Variants in SNX5 observed in about 807,000 individuals in gnomAD.
SNX5 encodes the protein sorting nexin 5.
A neutral mutation model predicts 53.9 loss-of-function variants in SNX5; 31 were observed. The observed-to-expected ratio is 0.58, with a 90% CI of 0.43 to 0.78. The LOEUF is 0.78. SNX5 is among the 30% of genes least tolerant of loss of function. SNX5 has a pLI of 0.00. For missense variants in SNX5, 471 were observed against 478.8 expected, an observed-to-expected ratio of 0.98 and a Z score of 0.15; for synonymous variants, 168 against 171.1, an observed-to-expected ratio of 0.98 and a Z score of 0.14.
In SNX5 at chr20:17,962,042, A is replaced by G. The variant is rs1222869158; in HGVS notation, c.52-5005T>C. On this transcript the variant is annotated intron_variant, in intron 1 of 12. Coordinates refer to ENST00000377759, the MANE Select transcript of SNX5 (RefSeq NM_014426.4). ...TTGTTACTGTTTGAACTCTCAGGAA[A>G]CAATGTTCCCATTGGTGCTCCGAAT... 3.2e-6 allele frequency: 3 copies of G among 939,556 alleles called. No individual in the cohort carries two copies. The East Asian group carries it at 3.5e-4, about 110-fold the overall frequency. 58.2% of individuals were successfully genotyped at this position (939,556 alleles called of 1,614,324 possible). A position where few individuals can be genotyped will look rare whatever the true frequency, so the allele number is the denominator to read the frequency against.
chr20:17,944,822 G>A (rs1016873674), intron 11 of SNX5: 1 of 152,264 alleles, frequency 6.6e-6, no homozygotes, highest in African/African-American at 2.4e-5. Context: ...TGGGATTACA[G>A]GCGTGAGCCA....
intron 2 of SNX5, among the ~76,000 whole-genome samples, chr20:17,956,673 CAAAAAAAAAA>C (rs59252584): frequency 8.4e-4 from 71 of 84,874 alleles, no homozygotes; most frequent in African/African-American, 2.7e-3. Context: ...AGACTGTCTC[CAAAAAAAAAA>C]AAAAAAAAAA....
intron 11 of SNX5, among the ~76,000 whole-genome samples, chr20:17,946,315 T>C (rs1192341001): frequency 6.6e-6 from 1 of 152,228 alleles, no homozygotes; most frequent in Non-Finnish European, 1.5e-5. Context: ...CATACTCAGA[T>C]GCTGGTAACT....
At chr20:17,943,428 G>A (rs1009529142) in intron 11 of SNX5, 1 of 481,424 alleles carries the variant, frequency 2.1e-6, no homozygotes, top group Non-Finnish European at 3.8e-6. Context: ...CAAGCATCGT[G>A]AGTGGGAGAG....
chr20:17,947,498 A>G lies in SNX5; in HGVS notation c.1066T>C (p.Ser356Pro). 1 of 1,612,884 alleles carries G rather than the reference A, an allele frequency of 6.2e-7. No homozygotes were observed. The highest frequency in any genetic ancestry group is 8.5e-7 in the Non-Finnish European group (1 of 1,179,522). ...TGTCCTGCTCAACCTTCTTTTGCAGATTCGGAAAGTTGTTCAAATTTCTGG... is the reference window on the plus strand; with the variant it reads ...TGTCCTGCTCAACCTTCTTTTGCAGGTTCGGAAAGTTGTTCAAATTTCTGG... Reference protein sequence around the residue: ...CCQKFEQLSESAKEELINFKR... With the variant: ...CCQKFEQLSEPAKEELINFKR... The change falls in exon 11 of 13, where the codon TCT (serine) becomes CCT (proline). Residue 356 changes from serine to proline, a missense_variant. Ser to Pro is a moderately conservative substitution (Grantham distance 74). Coordinates refer to ENST00000377759, the MANE Select transcript of SNX5 (RefSeq NM_014426.4).
At chr20:17,943,278 C>A in intron 11 of SNX5, 83 bp from the exon 12 acceptor site, 2 of 892,230 alleles carry the variant, frequency 2.2e-6, no homozygotes, top group Non-Finnish European at 3.8e-6. Context: ...GGCATTCTTA[C>A]AAATGGTCTC....
chr20:17,960,209 C>G (rs542784515), intron 1 of SNX5, among the ~76,000 whole-genome samples: 1 of 152,270 alleles, frequency 6.6e-6, no homozygotes, highest in South Asian at 2.1e-4. Context: ...GCCTGCAATC[C>G]CAGCAATTTG....
intron 2 of SNX5, 36 bp downstream of exon 2, chr20:17,956,897 C>G (rs1233711332): frequency 1.9e-6 from 2 of 1,052,874 alleles, no homozygotes; most frequent in African/African-American, 3.1e-5. Context: ...AGGCTGCAAC[C>G]TAGCACTGTA....
intron 1 of SNX5, among the ~76,000 whole-genome samples, chr20:17,965,334 G>T (rs1486341555): frequency 6.6e-6 from 1 of 152,190 alleles, no homozygotes; most frequent in Non-Finnish European, 1.5e-5. Flanking sequence ...TCCCCAGGTT[G>T]AGAAACTGAA....
intron 1 of SNX5, among the ~76,000 whole-genome samples, chr20:17,967,028 G>A (rs2035550766): frequency 6.6e-6 from 1 of 152,138 alleles, no homozygotes; most frequent in African/African-American, 2.4e-5. Context: ...AGTTTCTGTA[G>A]CCTCTAAAAC....
intron 8 of SNX5, among the ~76,000 whole-genome samples, chr20:17,949,845 C>T (rs1190974806): frequency 1.3e-5 from 2 of 152,162 alleles, no homozygotes; most frequent in Admixed American, 1.3e-4. Flanking sequence ...AAGATAAACT[C>T]TTACAAACTC....
At chr20:17,963,933 T>C (rs1284673408) in intron 1 of SNX5, among the ~76,000 whole-genome samples, 1 of 152,094 alleles carries the variant, frequency 6.6e-6, no homozygotes, top group African/African-American at 2.4e-5. Context: ...GTACAGCAAA[T>C]TTCCCAAATC....
intron 1 of SNX5, among the ~76,000 whole-genome samples, chr20:17,958,416 T>C (rs1019041091): frequency 6.6e-6 from 1 of 152,244 alleles, no homozygotes; most frequent in Non-Finnish European, 1.5e-5. Context: ...TAAAAGCACA[T>C]GGATTACTTA....
At chr20:17,962,478 T>C (rs1222850915) in intron 1 of SNX5, among the ~76,000 whole-genome samples, 1 of 152,022 alleles carries the variant, frequency 6.6e-6, no homozygotes, top group Non-Finnish European at 1.5e-5. Flanking sequence ...CCTGGGATTA[T>C]AGGCGTGAGC....
In SNX5 at chr20:17,957,044, T is replaced by C. The variant is rs760062801; in HGVS notation, c.52-7A>G. Reference sequence around the variant, plus strand: ...CCACAGATACAGATCTCAGCTGAAATACATTTTTTGCGTATTAGTTTCAAA... The same window carrying C: ...CCACAGATACAGATCTCAGCTGAAACACATTTTTTGCGTATTAGTTTCAAA... On this transcript the variant is annotated splice_polypyrimidine_tract_variant and splice_region_variant and intron_variant, in intron 1 of 12. Transcript: ENST00000377759. 6.5e-6 allele frequency: 10 copies of C among 1,535,670 alleles called. No individual in the cohort carries two copies.
At position 17,954,033 on chromosome 20, in the gene SNX5, T is replaced by C; in HGVS notation, c.352A>G (p.Lys118Glu). ...KLGEGEGSMT[K>E]EEFAKMKQEL... ...TGTTTCATCTTGGCAAATTCTTCTT[T>C]GGTCATAGACCCTTCACCTTCTCCC... The change falls in exon 4 of 13, where the codon AAA becomes GAA. Residue 118 changes from lysine to glutamate, a missense_variant. Transcript: ENST00000377759. 6.2e-7 allele frequency: 1 copy of C among 1,613,926 alleles called. No individual in the cohort carries two copies. The highest frequency in any genetic ancestry group is 8.5e-7 in the Non-Finnish European group (1 of 1,179,870).
In SNX5 at chr20:17,950,185, G is replaced by A. The variant is rs755407618; in HGVS notation, c.738C>T (p.His246=). The change falls in exon 8 of 13, where the codon CAC becomes CAT. Residue 246 remains histidine (H), a synonymous_variant. Transcript: ENST00000377759. ...CCAGGCTATGTAAGCAGGCTGCGGTGTGGATATAGTCATCGGCAACATCTG... is the reference window on the plus strand; with the variant it reads ...CCAGGCTATGTAAGCAGGCTGCGGTATGGATATAGTCATCGGCAACATCTG... The part of the protein sequence containing the change: ...SHKNVADDYI[H]TAACLHSLAL... 11 of 1,614,190 alleles carry A rather than the reference G, an allele frequency of 6.8e-6. No homozygotes were observed. The East Asian group carries it at 2.2e-4, about 33-fold the overall frequency.
At chr20:17,964,452 T>G (rs2035505700) in intron 1 of SNX5, among the ~76,000 whole-genome samples, 1 of 152,186 alleles carries the variant, frequency 6.6e-6, no homozygotes, top group African/African-American at 2.4e-5. Flanking sequence ...AAACTGCAAC[T>G]TACTCCTCCT....
intron 1 of SNX5, chr20:17,961,147 T>A: frequency 1.0e-6 from 1 of 985,446 alleles, no homozygotes; most frequent in Non-Finnish European, 1.2e-6. Flanking sequence ...CACCTATTCA[T>A]CAGCTTCCCA....
Sources: gnomAD v4.1 joint callset for allele counts (sites outside exome capture counted in the v4.1 genomes callset) on GRCh38, gnomAD v4.1.1 for gene constraint, MANE v1.5 for transcripts, NCBI Gene and HGNC (gene_info 2026-07-23, HGNC 2026-07-21) for gene names.